Variants in RPRD2 observed in about 807,000 individuals in gnomAD.
RPRD2 encodes the protein regulation of nuclear pre-mRNA domain containing 2.
RPRD2 carries 12 observed loss-of-function variants against 104.4 expected under a neutral mutation model. The ratio of observed to expected loss-of-function variants is 0.11; its 90% CI spans 0.07 to 0.19. RPRD2 has a LOEUF of 0.19. Among genes scored for constraint, RPRD2 ranks in the 10% least tolerant of loss-of-function variants. RPRD2 has a pLI of 1.00. For synonymous variants in RPRD2, 714 were observed against 684.9 expected (o/e 1.04, Z -0.66); for missense variants, 1,543 against 1,790.1 (o/e 0.86, Z 2.49).
In RPRD2 at chr1:150,472,932, T is replaced by C. The variant is rs764051477; in HGVS notation, c.3984T>C (p.His1328=). ...AGAVAVFPKD[H]SSLLQGTLAE... is the part of the protein sequence containing the mutation. ...CTGTGGCAGTATTTCCCAAGGACCATAGTTCCCTCCTTCAAGGGACCCTGG... is the reference window on the plus strand; with the variant it reads ...CTGTGGCAGTATTTCCCAAGGACCACAGTTCCCTCCTTCAAGGGACCCTGG... Residue 1328 remains histidine (H), a synonymous_variant, in exon 11 of 11, where the codon CAT becomes CAC. Coordinates refer to ENST00000369068, the MANE Select transcript of RPRD2 (RefSeq NM_015203.5). 8.7e-6 allele frequency: 14 copies of C among 1,613,490 alleles called. No homozygotes were observed. The South Asian group carries it at 1.3e-4, about 15-fold the overall frequency.
intron 7 of RPRD2, among the ~76,000 whole-genome samples, chr1:150,456,046 T>G (rs782425042): frequency 1.6e-4 from 24 of 152,072 alleles, no homozygotes; most frequent in Non-Finnish European, 3.1e-4. Flanking sequence ...CCCAGGCTGG[T>G]CTTGAACTCC....
chr1:150,410,680 A>T lies in RPRD2; in HGVS notation c.206-6916A>T, dbSNP rs140791683. On this transcript the variant is annotated intron_variant, in intron 1 of 10. Coordinates refer to ENST00000369068, the MANE Select transcript of RPRD2 (RefSeq NM_015203.5). ...AACTGTTTGAGCATATGTTGCAGAC[A>T]TGCTGCCCTATTTAGTACTTTGGTG... 5.3e-4 allele frequency among the ~76,000 whole-genome samples: 80 copies of T among 152,308 alleles called. 1 individual carries two copies. The highest frequency in any genetic ancestry group is 1.7e-3 in the African/African-American group (71 of 41,568).
chr1:150,463,351 ATAAAG>A (rs1256890372), intron 9 of RPRD2, among the ~76,000 whole-genome samples: 1 of 152,192 alleles, frequency 6.6e-6, no homozygotes, highest in Non-Finnish European at 1.5e-5. Flanking sequence ...CTAAATAAAA[ATAAAG>A]TATTTTAATA....
chr1:150,417,764 G>A (rs1305471869), intron 2 of RPRD2, 39 bp downstream of exon 2: 3 of 1,477,370 alleles, frequency 2.0e-6, no homozygotes, highest in Non-Finnish European at 2.7e-6. Flanking sequence ...TCTAAACTTA[G>A]ACAACTTAGA....
At chr1:150,416,431 G>T (rs782413037) in intron 1 of RPRD2, among the ~76,000 whole-genome samples, 12 of 152,152 alleles carry the variant, frequency 7.9e-5, no homozygotes, top group Non-Finnish European at 1.2e-4. Context: ...GTCACCGAAT[G>T]TGAGGTCAAG....
intron 1 of RPRD2, among the ~76,000 whole-genome samples, chr1:150,376,507 T>TC (rs1660702104): frequency 6.6e-6 from 1 of 152,024 alleles, no homozygotes; most frequent in South Asian, 2.1e-4. Context: ...CAGTCTTTTT[T>TC]TTTTTTTGAG....
chr1:150,466,234 C>T (rs1668263429), intron 10 of RPRD2, among the ~76,000 whole-genome samples: 1 of 151,582 alleles, frequency 6.6e-6, no homozygotes, highest in African/African-American at 2.4e-5. Flanking sequence ...AAAAATTAGC[C>T]GGGCGTGGTG....
chr1:150,412,419 G>A (rs36122812), intron 1 of RPRD2, among the ~76,000 whole-genome samples: 33,601 of 151,888 alleles, frequency 0.22, 4,239 homozygotes, highest in African/African-American at 0.32. Context: ...ACATGGGGGT[G>A]GTCAGAAACT....
At chr1:150,443,128 G>C in intron 4 of RPRD2, 103 bp from the exon 5 acceptor site, 1 of 688,496 alleles carries the variant, frequency 1.5e-6, no homozygotes, top group African/African-American at 1.8e-5. Flanking sequence ...GTGCATGTTT[G>C]CCATATGTTC....
intron 1 of RPRD2, among the ~76,000 whole-genome samples, chr1:150,384,450 C>CATCATCATTATTATTATTATT (rs1553881396): frequency 2.7e-4 from 36 of 132,344 alleles, no homozygotes; most frequent in Non-Finnish European, 1.8e-4. Context: ...GCATCATCAT[C>CATCATCATTATTATTATTATT]ATTATTATTA....
At chr1:150,427,342 G>A (rs12045304) in intron 2 of RPRD2, among the ~76,000 whole-genome samples, 47,751 of 151,636 alleles carry the variant, frequency 0.31, 8,550 homozygotes, top group Non-Finnish European at 0.4. Context: ...GCGTGGTAGC[G>A]CGTGCCTGTA....
At chr1:150,408,063 C>T (rs1663616487) in intron 1 of RPRD2, among the ~76,000 whole-genome samples, 2 of 151,212 alleles carry the variant, frequency 1.3e-5, no homozygotes, top group Non-Finnish European at 1.5e-5. Context: ...TGTGAGCCAC[C>T]ACACCTGGCC....
chr1:150,417,848 G>A (rs1664461765), intron 2 of RPRD2, 123 bp downstream of exon 2: 1 of 621,284 alleles, frequency 1.6e-6, no homozygotes, highest in African/African-American at 1.9e-5. Context: ...TTGCCTAAAT[G>A]GTTGATTATT....
intron 2 of RPRD2, among the ~76,000 whole-genome samples, chr1:150,427,396 C>T (rs587729986): frequency 1.3e-5 from 2 of 151,936 alleles, no homozygotes; most frequent in Non-Finnish European, 2.9e-5. Flanking sequence ...TTGCTTGAAC[C>T]CAGGAGGCAG....
chr1:150,471,425 C>A lies in RPRD2; in HGVS notation c.2477C>A (p.Ser826Tyr). 6.2e-7 allele frequency: 1 copy of A among 1,613,960 alleles called. No homozygotes were observed. The highest frequency in any genetic ancestry group is 8.5e-7 in the Non-Finnish European group (1 of 1,179,888). The change falls in exon 11 of 11, where the codon TCT becomes TAT. Residue 826 changes from serine (S) to tyrosine (Y), a missense_variant. Around this residue, in one of 4 missense-constraint regions of RPRD2, gnomAD observed 880 missense variants for 885.6 expected, o/e 0.99. Coordinates refer to ENST00000369068, the MANE Select transcript of RPRD2 (RefSeq NM_015203.5). The surrounding 1 kb of genome is among the most constrained non-coding windows in gnomAD (Gnocchi z 5.3). ...SSQEKFYPDTSFQEDEDYRDF... is the reference protein window; with the variant it reads ...SSQEKFYPDTYFQEDEDYRDF... ...CAGGAAAAGTTCTACCCAGATACTTCTTTCCAAGAAGATGAGGATTACCGA... is the reference window on the plus strand; with the variant it reads ...CAGGAAAAGTTCTACCCAGATACTTATTTCCAAGAAGATGAGGATTACCGA...
chr1:150,376,795 C>T (rs762086063), intron 1 of RPRD2, among the ~76,000 whole-genome samples: 15 of 151,508 alleles, frequency 9.9e-5, no homozygotes, highest in Admixed American at 2.6e-4. Flanking sequence ...CCACCGCGCC[C>T]GGCCGATACA....
At chr1:150,465,970 G>C (rs1171420466) in intron 10 of RPRD2, among the ~76,000 whole-genome samples, 1 of 135,738 alleles carries the variant, frequency 7.4e-6, no homozygotes, top group African/African-American at 3.0e-5. Flanking sequence ...CCGGAATCAC[G>C]CTACTGCACT....
At chr1:150,428,321 C>T (rs1025696150) in intron 2 of RPRD2, among the ~76,000 whole-genome samples, 10 of 151,642 alleles carry the variant, frequency 6.6e-5, no homozygotes, top group African/African-American at 2.4e-4. Flanking sequence ...GGTGTGGTGG[C>T]GGGCGCCTGT....
rs1412191040 is a variant in RPRD2 at position 150,463,834 on chromosome 1, G to A, written c.1412-693G>A. Among the ~76,000 whole-genome samples, 7 of 152,320 alleles carry A rather than the reference G, an allele frequency of 4.6e-5. No homozygotes were observed. The South Asian group carries it at 1.2e-3, about 27-fold the overall frequency. On this transcript the variant is annotated intron_variant, in intron 9 of 10. Coordinates refer to ENST00000369068, the MANE Select transcript of RPRD2 (RefSeq NM_015203.5). ...GCGCCTACAGGGCTCTGAACTGTAG[G>A]TGCCATTTGGTGGAGAAAAAAGATT... is the stretch of plus-strand genomic sequence containing the variant.
Sources: gnomAD v4.1 joint callset for allele counts (sites outside exome capture counted in the v4.1 genomes callset) on GRCh38, gnomAD v4.1.1 for gene constraint, gnomAD v4.1.1 regional missense constraint, Gnocchi (gnomAD v3.1) non-coding constraint, MANE v1.5 for transcripts, NCBI Gene and HGNC (gene_info 2026-07-23, HGNC 2026-07-21) for gene names.